Variants in RALGPS2 observed in about 807,000 individuals in gnomAD.
RALGPS2 encodes ras-specific guanine nucleotide-releasing factor RalGPS2.
Under a neutral mutation model 86.8 loss-of-function variants are expected in RALGPS2, and 43 were observed. The ratio of observed to expected loss-of-function variants is 0.50; its 90% CI spans 0.39 to 0.64. The LOEUF (loss-of-function observed/expected upper bound fraction) is 0.64, where lower values mean the gene tolerates loss of function less well. Ranked by LOEUF, RALGPS2 falls within the 30% of genes least tolerant of loss-of-function variation. RALGPS2 has a pLI of 0.00. For synonymous variants in RALGPS2, 243 were observed against 231.3 expected, an observed-to-expected ratio of 1.05 and a Z score of -0.46; for missense variants, 536 against 694.6, an observed-to-expected ratio of 0.77 and a Z score of 2.57.
intron 9 of RALGPS2, 125 bp downstream of exon 9, chr1:178,877,760 A>G (rs565800260): frequency 1.2e-4 from 144 of 1,200,004 alleles, no homozygotes; most frequent in Non-Finnish European, 1.5e-4. Flanking sequence ...TTCTAATGTA[A>G]AGGAAAATAA....
At chr1:178,836,968 A>G (rs1426833832) in intron 8 of RALGPS2, among the ~76,000 whole-genome samples, 2 of 152,048 alleles carry the variant, frequency 1.3e-5, no homozygotes, top group South Asian at 2.1e-4. Context: ...TTTTGTAGAG[A>G]CAGGATCTCG....
intron 7 of RALGPS2, among the ~76,000 whole-genome samples, chr1:178,828,936 T>A (rs1655887015): frequency 6.6e-6 from 1 of 152,148 alleles, no homozygotes; most frequent in Non-Finnish European, 1.5e-5. Context: ...TCCAGAGAAA[T>A]TGAAATTGAT....
intron 15 of RALGPS2, 147 bp from the exon 16 acceptor site, chr1:178,893,772 A>G (rs1659819131): frequency 5.4e-6 from 3 of 552,850 alleles, no homozygotes; most frequent in East Asian, 3.1e-5. Context: ...TTCAAGATTA[A>G]TAAACCTTTA....
At chr1:178,731,779 G>A (rs1267814238) in intron 1 of RALGPS2, among the ~76,000 whole-genome samples, 1 of 152,060 alleles carries the variant, frequency 6.6e-6, no homozygotes, top group East Asian at 1.9e-4. Flanking sequence ...CAGTGTCCAT[G>A]ATTATATGGA....
chr1:178,875,480 G>C (rs1482062552), intron 8 of RALGPS2, among the ~76,000 whole-genome samples: 1 of 152,142 alleles, frequency 6.6e-6, no homozygotes, highest in Non-Finnish European at 1.5e-5. Context: ...AGGTGCAGTG[G>C]CTCATGCCTG....
chr1:178,909,742 C>T (rs1230457652), intron 19 of RALGPS2, among the ~76,000 whole-genome samples: 9 of 149,412 alleles, frequency 6.0e-5, no homozygotes, highest in Admixed American at 2.0e-4. Flanking sequence ...CTCCACCTCC[C>T]GGGTTCAAGC....
At chr1:178,825,545 G>A (rs1477996690) in intron 7 of RALGPS2, among the ~76,000 whole-genome samples, 1 of 152,068 alleles carries the variant, frequency 6.6e-6, no homozygotes, top group Non-Finnish European at 1.5e-5. Context: ...CAAGATTTAT[G>A]ATAATAATTT....
At chr1:178,832,857 C>CA (rs1278553917) in intron 7 of RALGPS2, among the ~76,000 whole-genome samples, 8 of 150,892 alleles carry the variant, frequency 5.3e-5, no homozygotes, top group Admixed American at 5.3e-4. Context: ...TCTCAAGTGT[C>CA]TTACAACAGT....
At chr1:178,820,841 G>T (rs1040786018) in intron 6 of RALGPS2, among the ~76,000 whole-genome samples, 1 of 151,774 alleles carries the variant, frequency 6.6e-6, no homozygotes, top group Non-Finnish European at 1.5e-5. Flanking sequence ...TGTTTTCTTC[G>T]GGCTTTCAAT....
chr1:178,897,774 A>T lies in RALGPS2; in HGVS notation c.1524+18A>T. 6.3e-7 allele frequency: 1 copy of T among 1,592,350 alleles called. No individual in the cohort carries two copies. ...GAAAACATGTAAGTATTTGTTCTCT[A>T]CATTTTTAGCGTGGTTTCCCAGACT... is the stretch of plus-strand genomic sequence containing the variant. On this transcript the variant is annotated intron_variant, in intron 17 of 19. Coordinates refer to ENST00000367635, the MANE Select transcript of RALGPS2 (RefSeq NM_152663.5).
At chr1:178,835,607 A>G (rs938290649) in intron 8 of RALGPS2, among the ~76,000 whole-genome samples, 1 of 151,810 alleles carries the variant, frequency 6.6e-6, no homozygotes, top group African/African-American at 2.4e-5. Context: ...TGGCCAGGCT[A>G]GTCTTGAATT....
intron 6 of RALGPS2, among the ~76,000 whole-genome samples, chr1:178,816,803 G>A (rs931128926): frequency 1.3e-5 from 2 of 151,202 alleles, no homozygotes; most frequent in African/African-American, 4.9e-5. Flanking sequence ...CTGCCTCCTA[G>A]GTTCAAGCGA....
At chr1:178,844,232 A>G (rs2102275084) in intron 8 of RALGPS2, among the ~76,000 whole-genome samples, 1 of 152,308 alleles carries the variant, frequency 6.6e-6, no homozygotes, top group East Asian at 1.9e-4. Flanking sequence ...TGGAAAGAAT[A>G]TATCCATGAA....
At chr1:178,760,772 T>C (rs1652199757) in intron 1 of RALGPS2, among the ~76,000 whole-genome samples, 1 of 152,180 alleles carries the variant, frequency 6.6e-6, no homozygotes, top group Non-Finnish European at 1.5e-5. Flanking sequence ...GCCTTGGTGA[T>C]GTTCATTTTG....
intron 1 of RALGPS2, among the ~76,000 whole-genome samples, chr1:178,750,651 T>A (rs1651600189): frequency 6.6e-6 from 1 of 152,204 alleles, no homozygotes; most frequent in Non-Finnish European, 1.5e-5. Flanking sequence ...TTGAAAAGTC[T>A]CTGGAATTAG....
At chr1:178,841,083 T>C (rs1656582112) in intron 8 of RALGPS2, among the ~76,000 whole-genome samples, 1 of 152,206 alleles carries the variant, frequency 6.6e-6, no homozygotes, top group Non-Finnish European at 1.5e-5. Context: ...AAGGAGTTGC[T>C]GGTACCATTC....
chr1:178,776,581 A>G, intron 1 of RALGPS2, 101 bp from the exon 2 acceptor site: 1 of 467,688 alleles, frequency 2.1e-6, no homozygotes, highest in Non-Finnish European at 3.8e-6. Context: ...AATAGAGTTT[A>G]GTGAAGTTGA....
intron 1 of RALGPS2, among the ~76,000 whole-genome samples, chr1:178,758,301 G>A (rs1290889716): frequency 6.6e-6 from 1 of 151,654 alleles, no homozygotes; most frequent in Non-Finnish European, 1.5e-5. Context: ...TATTTAGGTG[G>A]TACGAGATAC....
At chr1:178,727,446 A>AT (rs1165187654) in intron 1 of RALGPS2, among the ~76,000 whole-genome samples, 1 of 152,282 alleles carries the variant, frequency 6.6e-6, no homozygotes, top group Non-Finnish European at 1.5e-5. Flanking sequence ...GTTTGCCTAA[A>AT]TTTTTTCAGA....
Sources: allele counts gnomAD v4.1 joint callset (sites outside exome capture counted in the v4.1 genomes callset), GRCh38; gene constraint gnomAD v4.1.1; transcripts MANE v1.5; gene names NCBI Gene and HGNC (gene_info 2026-07-23, HGNC 2026-07-21).